The following TMEM233 variants were observed in gnomAD, a reference collection of about 807,000 sequenced individuals.
TMEM233 encodes the protein transmembrane protein 233, also known as dispanin subfamily B member 2.
TMEM233 carries 6 observed loss-of-function variants against 11.2 expected under a neutral mutation model. The observed-to-expected ratio is 0.54, with a 90% CI of 0.29 to 1.06. The LOEUF is 1.06. TMEM233 is among the 50% of genes least tolerant of loss of function. TMEM233 has a pLI of 0.08. For missense variants in TMEM233, 127 were observed against 144.7 expected (o/e 0.88, Z 0.63); for synonymous variants, 59 against 55.8 (o/e 1.06, Z -0.26).
chr12:119,653,299 G>A, the TMEM233 span, among the ~76,000 whole-genome samples: 1 of 149,222 alleles, frequency 6.7e-6, no homozygotes, highest in South Asian at 2.1e-4. Flanking sequence ...GGCTGAGGCA[G>A]GAGAATGGTG....
downstream of TMEM233, among the ~76,000 whole-genome samples, chr12:119,645,098 A>G (rs866706592): frequency 1.3e-5 from 2 of 152,200 alleles, no homozygotes; most frequent in South Asian, 2.1e-4. Flanking sequence ...GCTGAGGCCA[A>G]TAGGGCTACA....
chr12:119,605,468 C>T (rs1212487722), intron 1 of TMEM233, among the ~76,000 whole-genome samples: 6 of 129,250 alleles, frequency 4.6e-5, no homozygotes, highest in Non-Finnish European at 7.8e-5. Context: ...CACTCTGTTG[C>T]ACAGGCTGGA....
intron 1 of TMEM233, among the ~76,000 whole-genome samples, chr12:119,596,597 T>C (rs1431528894): frequency 6.8e-6 from 1 of 146,772 alleles, no homozygotes; most frequent in Non-Finnish European, 1.5e-5. Flanking sequence ...GTTCAAGCGA[T>C]CCTTCCACCC....
rs138739825 is a variant in TMEM233 at position 119,619,833 on chromosome 12, G to A, written c.187-9903G>A. On this transcript the variant is annotated intron_variant, in intron 1 of 2. Transcript: ENST00000426426. ...CTACTTATTTTTACTTTTTTGATGT[G>A]GTTACTAGAAAATTTAAAATCACCT... is the stretch of plus-strand genomic sequence containing the variant. 5.0e-3 allele frequency among the ~76,000 whole-genome samples: 764 copies of A among 152,006 alleles called. 10 individuals carry two copies. The highest frequency in any genetic ancestry group is 0.018 in the African/African-American group (730 of 41,486).
At chr12:119,625,005 C>A (rs1954721740) in intron 1 of TMEM233, among the ~76,000 whole-genome samples, 1 of 152,002 alleles carries the variant, frequency 6.6e-6, no homozygotes, top group East Asian at 1.9e-4. Context: ...CTCCAGAATT[C>A]GTGACTTAGA....
At chr12:119,646,729 A>G (rs2136820797), downstream of TMEM233, among the ~76,000 whole-genome samples, 1 of 152,204 alleles carries the variant, frequency 6.6e-6, no homozygotes, top group East Asian at 1.9e-4. Flanking sequence ...TCTCTTCCCC[A>G]TTTAGGGACC....
downstream of TMEM233, among the ~76,000 whole-genome samples, chr12:119,646,770 T>A (rs1955158270): frequency 6.6e-6 from 1 of 152,222 alleles, no homozygotes; most frequent in Admixed American, 6.5e-5. Context: ...ACCTGGATGA[T>A]CCAGAAAAAT....
At chr12:119,616,194 G>T (rs1382416503) in intron 1 of TMEM233, among the ~76,000 whole-genome samples, 1 of 152,160 alleles carries the variant, frequency 6.6e-6, no homozygotes, top group Non-Finnish European at 1.5e-5. Flanking sequence ...ATTCCGTTTT[G>T]CCAACATGAG....
intron 1 of TMEM233, among the ~76,000 whole-genome samples, chr12:119,597,846 C>T (rs763955511): frequency 7.9e-5 from 12 of 152,130 alleles, no homozygotes; most frequent in African/African-American, 1.2e-4. Flanking sequence ...ATTTGAGGGA[C>T]GCATGTCTCA....
chr12:119,653,917 G>A, the TMEM233 span, among the ~76,000 whole-genome samples: 6 of 150,278 alleles, frequency 4.0e-5, no homozygotes, highest in African/African-American at 1.2e-4. Flanking sequence ...AAGAAAAATT[G>A]ATTTAAATGT....
intron 1 of TMEM233, among the ~76,000 whole-genome samples, chr12:119,620,335 C>T (rs1433703707): frequency 1.3e-5 from 2 of 152,120 alleles, no homozygotes. Context: ...TTTGGATAAC[C>T]TTTCTGCAGG....
Position 119,640,987 on chromosome 12 carries a change from C to T in TMEM233, c.*282C>T, listed in dbSNP as rs557809439. 5.8e-5 allele frequency: 25 copies of T among 430,048 alleles called. No homozygotes were observed. In the South Asian group the frequency reaches 7.1e-4, roughly 12 times the overall value. 26.6% of individuals were successfully genotyped at this position (430,048 alleles called of 1,614,324 possible). A position where few individuals can be genotyped will look rare whatever the true frequency, so the allele number is the denominator to read the frequency against. ...ATGAAGTCTCACTGTCTCAGTTTAGCGAATCCCGTTGTGTCCACTCCTGTC... is the reference window on the plus strand; with the variant it reads ...ATGAAGTCTCACTGTCTCAGTTTAGTGAATCCCGTTGTGTCCACTCCTGTC... On this transcript the variant is annotated 3_prime_UTR_variant, in exon 3 of 3. Transcript: ENST00000426426.
At chr12:119,614,484 C>T (rs186570356) in intron 1 of TMEM233, among the ~76,000 whole-genome samples, 5 of 151,964 alleles carry the variant, frequency 3.3e-5, no homozygotes, top group African/African-American at 1.2e-4. Context: ...AGTAGCACAG[C>T]TTAGATATAC....
At chr12:119,631,287 G>C (rs1424523543) in intron 2 of TMEM233, 2 of 153,922 alleles carry the variant, frequency 1.3e-5, no homozygotes, top group South Asian at 2.1e-4. Context: ...GGCTCACCCA[G>C]ATGGGTGAGG....
In TMEM233 at chr12:119,607,645, G is replaced by C. The variant is rs12424264; in HGVS notation, c.186+13611G>C. Among the ~76,000 whole-genome samples the C allele has an allele frequency of 6.3e-3, 935 of 148,422 alleles. 4 individuals are homozygous for C. The highest frequency in any genetic ancestry group is 0.01 in the Non-Finnish European group (681 of 67,420). On this transcript the variant is annotated intron_variant, in intron 1 of 2. Transcript: ENST00000426426. The stretch of plus-strand genomic sequence containing the variant: ...AGACAGAGTCTCGCTTTGTCACCCT[G>C]GCTCCCAGGCTCAAGTGCAGTGGTG...
intron 1 of TMEM233, among the ~76,000 whole-genome samples, chr12:119,616,326 T>C (rs1032773243): frequency 8.5e-5 from 13 of 152,228 alleles, no homozygotes; most frequent in Admixed American, 4.6e-4. Flanking sequence ...CTTAGAACAT[T>C]AGACTATGCT....
chr12:119,600,787 A>G (rs1018565232), intron 1 of TMEM233, among the ~76,000 whole-genome samples: 1 of 152,134 alleles, frequency 6.6e-6, no homozygotes, highest in African/African-American at 2.4e-5. Flanking sequence ...GACTATGGGG[A>G]GAGGGAAATG....
intron 2 of TMEM233, among the ~76,000 whole-genome samples, chr12:119,638,610 C>T (rs1431243658): frequency 1.3e-5 from 2 of 152,218 alleles, no homozygotes; most frequent in Non-Finnish European, 2.9e-5. Context: ...TTGGGAACCA[C>T]AGACGTGCAA....
chr12:119,621,697 A>ATTTAACATACCCTTGAAAAT (rs1954648256), intron 1 of TMEM233, among the ~76,000 whole-genome samples: 1 of 152,048 alleles, frequency 6.6e-6, no homozygotes, highest in South Asian at 2.1e-4. Flanking sequence ...TCCTTGAAAA[A>ATTTAACATACCCTTGAAAAT]CATTTAACAC....
Sources: gnomAD v4.1 joint callset for allele counts (sites outside exome capture counted in the v4.1 genomes callset) on GRCh38, gnomAD v4.1.1 for gene constraint, MANE v1.5 for transcripts, NCBI Gene and HGNC (gene_info 2026-07-23, HGNC 2026-07-21) for gene names.